Variants in MCPH1 observed in about 807,000 individuals in gnomAD.
MCPH1 encodes microcephalin 1.
MCPH1 carries 104 observed loss-of-function variants against 84.5 expected under a neutral mutation model. That is an observed-to-expected ratio of 1.23 (90% CI 1.05 to 1.45). The LOEUF (loss-of-function observed/expected upper bound fraction) is 1.45. Ranked by LOEUF, MCPH1 falls within the 40% of genes most tolerant of loss-of-function variation. The probability of loss-of-function intolerance (pLI) is 0.00; values close to 1 mark genes in which losing one functional copy is unlikely to be tolerated. For missense variants in MCPH1, 1,498 were observed against 1,005.7 expected, an observed-to-expected ratio of 1.49 and a Z score of -6.62; for synonymous variants, 514 against 366.8, an observed-to-expected ratio of 1.40 and a Z score of -4.58.
At chr8:6,617,947 C>G (rs1195383318) in intron 12 of MCPH1, among the ~76,000 whole-genome samples, 1 of 152,058 alleles carries the variant, frequency 6.6e-6, no homozygotes, top group Non-Finnish European at 1.5e-5. Flanking sequence ...ATCTATCTTT[C>G]TATCTATCTA....
intron 12 of MCPH1, among the ~76,000 whole-genome samples, chr8:6,553,734 C>T (rs774909627): frequency 2.4e-4 from 36 of 151,676 alleles, no homozygotes; most frequent in Non-Finnish European, 1.5e-5. Flanking sequence ...CGAGGCCCCT[C>T]AGGCAGAGGG....
intron 12 of MCPH1, among the ~76,000 whole-genome samples, chr8:6,608,385 C>T (rs1201026227): frequency 6.6e-6 from 1 of 152,190 alleles, no homozygotes; most frequent in Admixed American, 6.5e-5. Flanking sequence ...AAAGGAAGCT[C>T]ATCTTTCACT....
At chr8:6,527,900 T>TTTTTTTTTTTC in intron 12 of MCPH1, among the ~76,000 whole-genome samples, 1 of 71,772 alleles carries the variant, frequency 1.4e-5, no homozygotes, top group Non-Finnish European at 3.0e-5. Flanking sequence ...CACGTCTCTA[T>TTTTTTTTTTTC]TTTTTTTTTT....
chr8:6,532,641 T>C (rs1031304), intron 12 of MCPH1, among the ~76,000 whole-genome samples: 12,944 of 152,066 alleles, frequency 0.085, 588 homozygotes, highest in African/African-American at 0.12. Context: ...CTTACTATTT[T>C]TTTTTATCAT....
intron 3 of MCPH1, among the ~76,000 whole-genome samples, chr8:6,420,048 T>TGAGGGAGGGAG (rs1799939922): frequency 6.6e-6 from 1 of 151,682 alleles, no homozygotes; most frequent in Non-Finnish European, 1.5e-5. Flanking sequence ...GTGATGCTGG[T>TGAGGGAGGGAG]GAGGGAGGGA....
intron 12 of MCPH1, among the ~76,000 whole-genome samples, chr8:6,619,582 C>T (rs923107075): frequency 5.9e-5 from 9 of 151,698 alleles, no homozygotes; most frequent in Admixed American, 3.3e-4. Context: ...TGAGCCACTG[C>T]GCCCAGCCTT....
chr8:6,450,438 AC>A (rs1482418358), intron 8 of MCPH1, among the ~76,000 whole-genome samples: 1 of 150,494 alleles, frequency 6.6e-6, no homozygotes, highest in Non-Finnish European at 1.5e-5. Context: ...GTATCCTTTG[AC>A]CCTGTGGTTT....
At chr8:6,609,912 A>T (rs947717255) in intron 12 of MCPH1, among the ~76,000 whole-genome samples, 8 of 145,506 alleles carry the variant, frequency 5.5e-5, no homozygotes, top group African/African-American at 2.0e-4. Flanking sequence ...CTCTGCCATC[A>T]CCTCCTTTTT....
chr8:6,489,670 C>T (rs1810345459), intron 11 of MCPH1, among the ~76,000 whole-genome samples: 1 of 152,156 alleles, frequency 6.6e-6, no homozygotes, highest in Admixed American at 6.5e-5. Context: ...GCTGCTGCTA[C>T]ATCAGAGAGA....
At position 6,591,402 on chromosome 8, in the gene MCPH1, C is replaced by G. The variant is rs554794166; in HGVS notation, c.2215-30052C>G. Among the ~76,000 whole-genome samples the G allele has an allele frequency of 5.9e-4, 90 of 152,274 alleles. 1 individual carries two copies. Among genetic ancestry groups the G allele is most frequent in the Middle Eastern group, 3.4e-3 (1 of 294 alleles). ...AGACAATCGAATGTTGAGTGATAAG[C>G]CCTGGTAACGTGATTTCTCACTGCT... On this transcript the variant is annotated intron_variant, in intron 12 of 13. Transcript: ENST00000344683.
intron 13 of MCPH1, among the ~76,000 whole-genome samples, chr8:6,628,246 G>A (rs1179925089): frequency 5.3e-4 from 80 of 152,016 alleles, no homozygotes; most frequent in Admixed American, 4.8e-3. Context: ...CGAAGCGGGC[G>A]GATCATGAGG....
At chr8:6,572,254 A>T (rs911652742) in intron 12 of MCPH1, among the ~76,000 whole-genome samples, 3 of 152,186 alleles carry the variant, frequency 2.0e-5, no homozygotes, top group Non-Finnish European at 4.4e-5. Context: ...TACGGAAAAA[A>T]TAATATGCGC....
At chr8:6,417,814 C>G (rs989871933) in intron 3 of MCPH1, among the ~76,000 whole-genome samples, 2 of 151,946 alleles carry the variant, frequency 1.3e-5, no homozygotes, top group Non-Finnish European at 2.9e-5. Flanking sequence ...TTTTGTTTTT[C>G]TTTGATAGTG....
intron 12 of MCPH1, among the ~76,000 whole-genome samples, chr8:6,509,825 C>G (rs1232394720): frequency 6.6e-6 from 1 of 152,200 alleles, no homozygotes; most frequent in Non-Finnish European, 1.5e-5. Flanking sequence ...AGCCCACAGT[C>G]AGACAGAGCC....
At chr8:6,511,004 T>C (rs1007822444) in intron 12 of MCPH1, among the ~76,000 whole-genome samples, 2 of 152,236 alleles carry the variant, frequency 1.3e-5, no homozygotes, top group Admixed American at 6.5e-5. Flanking sequence ...TTCTTTCCAT[T>C]GTCTTCCCAT....
intron 7 of MCPH1, among the ~76,000 whole-genome samples, chr8:6,443,397 TG>T (rs1239756940): frequency 6.8e-6 from 1 of 147,772 alleles, no homozygotes; most frequent in Non-Finnish European, 1.5e-5. Context: ...TGAAGACACC[TG>T]GGGCACAGTT....
chr8:6,637,931 T>C (rs1797677768), intron 13 of MCPH1, among the ~76,000 whole-genome samples: 1 of 152,180 alleles, frequency 6.6e-6, no homozygotes, highest in South Asian at 2.1e-4. Context: ...ACATTGGATG[T>C]GGCATATTAG....
chr8:6,460,042 C>T (rs1479421784), intron 9 of MCPH1, among the ~76,000 whole-genome samples: 1 of 152,136 alleles, frequency 6.6e-6, no homozygotes, highest in Non-Finnish European at 1.5e-5. Context: ...GATTGTTGTA[C>T]CAGGGTATTG....
chr8:6,575,087 G>A (rs999594243), intron 12 of MCPH1, among the ~76,000 whole-genome samples: 1 of 152,178 alleles, frequency 6.6e-6, no homozygotes, highest in African/African-American at 2.4e-5. Context: ...CATGCAGCTT[G>A]CACACATTCA....
Sources: gnomAD v4.1 joint callset for allele counts (sites outside exome capture counted in the v4.1 genomes callset) on GRCh38, gnomAD v4.1.1 for gene constraint, MANE v1.5 for transcripts, NCBI Gene and HGNC (gene_info 2026-07-23, HGNC 2026-07-21) for gene names.